The following ARHGAP18 variants were observed in gnomAD, a reference collection of about 807,000 sequenced individuals.
The protein encoded by ARHGAP18 is rho GTPase-activating protein 18.
Under a neutral mutation model 86.2 loss-of-function variants are expected in ARHGAP18, and 67 were observed. The ratio of observed to expected loss-of-function variants is 0.78; its 90% CI spans 0.64 to 0.95. The LOEUF (loss-of-function observed/expected upper bound fraction) is 0.95. ARHGAP18 is among the 40% of genes least tolerant of loss of function. The pLI is 0.00. For missense variants in ARHGAP18, 691 were observed against 780.4 expected, an observed-to-expected ratio of 0.89 and a Z score of 1.37; for synonymous variants, 283 against 280.4, an observed-to-expected ratio of 1.01 and a Z score of -0.09.
chr6:129,636,190 C>A (rs1322629050), intron 3 of ARHGAP18, among the ~76,000 whole-genome samples: 1 of 152,106 alleles, frequency 6.6e-6, no homozygotes, highest in Non-Finnish European at 1.5e-5. Context: ...GGGTGGTAAG[C>A]AAGTGCTTAA....
At chr6:129,605,835 C>T in intron 10 of ARHGAP18, 42 bp downstream of exon 10, 2 of 1,529,268 alleles carry the variant, frequency 1.3e-6, no homozygotes, top group Non-Finnish European at 1.8e-6. Context: ...AATTACTGTG[C>T]TTACTTCTAA....
chr6:129,632,503 A>G (rs1455679590), intron 4 of ARHGAP18, among the ~76,000 whole-genome samples: 2 of 152,130 alleles, frequency 1.3e-5, no homozygotes, highest in Non-Finnish European at 2.9e-5. Flanking sequence ...ACCAACTGCC[A>G]GTCACTCTTC....
Position 129,649,914 on chromosome 6 carries a change from G to GTTT in ARHGAP18, c.114-7899_114-7897dup, listed in dbSNP as rs374087104. Among the ~76,000 whole-genome samples the GTTT allele has an allele frequency of 2.0e-3, 264 of 129,114 alleles. 4 individuals carry two copies. In the East Asian group the frequency reaches 0.03, roughly 15 times the overall value. 84.7% of individuals were successfully genotyped at this position (129,114 alleles called of 152,430 possible). A position where few individuals can be genotyped will look rare whatever the true frequency, so the allele number is the denominator to read the frequency against. On this transcript the variant is annotated intron_variant, in intron 1 of 14. Coordinates refer to ENST00000368149, the MANE Select transcript of ARHGAP18 (RefSeq NM_033515.3). ...ACTCTACTTCGTCTTCTTTTTTTTT[G>GTTT]TTTTTTTTTTTTTTGGAGACGGAGT...
At position 129,638,202 on chromosome 6, in the gene ARHGAP18, T is replaced by C. The variant is rs1467599561; in HGVS notation, c.552+192A>G. The stretch of plus-strand genomic sequence containing the variant: ...TCATGCTGAATTTTAACTAGCTTTG[T>C]TTTCTGCCCCATCAGTATAACTTCC... On this transcript the variant is annotated intron_variant, in intron 3 of 14. Transcript: ENST00000368149. Among the ~76,000 whole-genome samples, 3 of 152,200 alleles carry C rather than the reference T, an allele frequency of 2.0e-5. No homozygotes were observed. In the East Asian group the frequency reaches 5.8e-4, roughly 29 times the overall value.
chr6:129,673,367 A>C (rs1774174348), intron 1 of ARHGAP18, among the ~76,000 whole-genome samples: 1 of 152,100 alleles, frequency 6.6e-6, no homozygotes, highest in South Asian at 2.1e-4. Flanking sequence ...AAAAAAAAAA[A>C]AGTCTTAAAT....
chr6:129,646,983 C>T (rs1338134393), intron 1 of ARHGAP18, among the ~76,000 whole-genome samples: 1 of 152,128 alleles, frequency 6.6e-6, no homozygotes, highest in Non-Finnish European at 1.5e-5. Flanking sequence ...GGCAAAACTC[C>T]AGAAAGCCCT....
Position 129,705,368 on chromosome 6 carries a change from G to T in ARHGAP18, c.113+4656C>A, listed in dbSNP as rs182908403. Among the ~76,000 whole-genome samples the T allele has an allele frequency of 1.4e-3, 220 of 152,308 alleles. 1 individual carries two copies. Among genetic ancestry groups the T allele is most frequent in the African/African-American group, 5.2e-3 (217 of 41,560 alleles). ...AAGCATGGAGACAGGAGTGAGTCCA[G>T]CTGCCAAAAGAGGATCCACCCACAT... On this transcript the variant is annotated intron_variant, in intron 1 of 14. Transcript: ENST00000368149.
At chr6:129,668,509 A>C (rs1774085177) in intron 1 of ARHGAP18, among the ~76,000 whole-genome samples, 1 of 152,120 alleles carries the variant, frequency 6.6e-6, no homozygotes, top group Non-Finnish European at 1.5e-5. Flanking sequence ...AGCCTGGTCC[A>C]TCTGGTCCCG....
chr6:129,691,301 G>A (rs1425343123), intron 1 of ARHGAP18, among the ~76,000 whole-genome samples: 1 of 152,146 alleles, frequency 6.6e-6, no homozygotes, highest in Non-Finnish European at 1.5e-5. Context: ...GAAGCCTAGA[G>A]AACTCCACTT....
At chr6:129,700,093 C>A (rs1401886026) in intron 1 of ARHGAP18, among the ~76,000 whole-genome samples, 2 of 152,138 alleles carry the variant, frequency 1.3e-5, no homozygotes, top group African/African-American at 4.8e-5. Context: ...CTGAACTCTG[C>A]CCCATGAAAC....
chr6:129,681,270 G>C (rs1175418843), intron 1 of ARHGAP18, among the ~76,000 whole-genome samples: 1 of 152,144 alleles, frequency 6.6e-6, no homozygotes, highest in East Asian at 1.9e-4. Context: ...TAGAGACAGG[G>C]TTTTACTATG....
At chr6:129,680,992 G>A (rs7765252) in intron 1 of ARHGAP18, among the ~76,000 whole-genome samples, 5,360 of 152,204 alleles carry the variant, frequency 0.035, 295 homozygotes, top group African/African-American at 0.12. Context: ...ATCCTGACTC[G>A]CCTCCTTCTC....
intron 8 of ARHGAP18, among the ~76,000 whole-genome samples, chr6:129,610,772 T>C (rs1212467831): frequency 1.3e-5 from 2 of 152,104 alleles, no homozygotes; most frequent in Non-Finnish European, 2.9e-5. Context: ...GGATTACAGG[T>C]GCCCAACACC....
chr6:129,710,092 G>A lies in ARHGAP18; in HGVS notation c.45C>T (p.Tyr15=), dbSNP rs1774883698. 3 of 1,614,074 alleles carry A rather than the reference G, an allele frequency of 1.9e-6. No homozygotes were observed. Among genetic ancestry groups the A allele is most frequent in the East Asian group, 2.2e-5 (1 of 44,878 alleles). ...SSSQGVVLTA[Y]HPSGKDQTVG... Reference sequence around the variant, plus strand: ...CGGTCTGGTCCTTGCCGCTGGGGTGGTAGGCTGTTAGTACCACTCCCTGGG... The same window carrying A: ...CGGTCTGGTCCTTGCCGCTGGGGTGATAGGCTGTTAGTACCACTCCCTGGG... The change falls in exon 1 of 15, where the codon TAC becomes TAT. Residue 15 remains tyrosine, a synonymous_variant. Transcript: ENST00000368149.
At chr6:129,638,285 G>T in intron 3 of ARHGAP18, 109 bp downstream of exon 3, 1 of 1,096,616 alleles carries the variant, frequency 9.1e-7, no homozygotes, top group Non-Finnish European at 1.3e-6. Flanking sequence ...TTGGTGCCTG[G>T]CATAGAATAG....
intron 1 of ARHGAP18, among the ~76,000 whole-genome samples, chr6:129,683,404 C>A (rs979459467): frequency 6.6e-6 from 1 of 152,152 alleles, no homozygotes; most frequent in East Asian, 1.9e-4. Context: ...TGGAAGGAAC[C>A]AGCACAGGGT....
At chr6:129,661,112 T>C (rs1421517941) in intron 1 of ARHGAP18, among the ~76,000 whole-genome samples, 1 of 151,038 alleles carries the variant, frequency 6.6e-6, no homozygotes, top group African/African-American at 2.4e-5. Flanking sequence ...CAAACTCGTA[T>C]TAATGTTCCT....
chr6:129,689,490 A>C (rs1232621638), intron 1 of ARHGAP18, among the ~76,000 whole-genome samples: 1 of 152,002 alleles, frequency 6.6e-6, no homozygotes, highest in Non-Finnish European at 1.5e-5. Flanking sequence ...ACAGGGTTTC[A>C]CCATGTTGGC....
intron 1 of ARHGAP18, among the ~76,000 whole-genome samples, chr6:129,644,775 A>G (rs950228602): frequency 1.3e-5 from 2 of 152,260 alleles, no homozygotes; most frequent in Admixed American, 6.5e-5. Flanking sequence ...GTAAATTTCC[A>G]TTAAGATAGC....
Sources: allele counts gnomAD v4.1 joint callset (sites outside exome capture counted in the v4.1 genomes callset), GRCh38; gene constraint gnomAD v4.1.1; transcripts MANE v1.5; gene names NCBI Gene and HGNC (gene_info 2026-07-23, HGNC 2026-07-21).